The following MED13L variants were observed in gnomAD, a reference collection of about 807,000 sequenced individuals.
MED13L encodes mediator of RNA polymerase II transcription subunit 13-like.
A neutral mutation model predicts 220.9 loss-of-function variants in MED13L; 7 were observed. The observed-to-expected ratio is 0.03, with a 90% CI of 0.02 to 0.06. The LOEUF (loss-of-function observed/expected upper bound fraction) is 0.06. Among genes scored for constraint, MED13L ranks in the 10% least tolerant of loss-of-function variants. The pLI, the probability that MED13L is intolerant of heterozygous loss-of-function variation, is 1.00. For synonymous variants in MED13L, 1,011 were observed against 1,015.2 expected (o/e 1.00, Z 0.08); for missense variants, 1,965 against 2,760.5 (o/e 0.71, Z 6.46).
chr12:116,127,379 T>A (rs1289501795), intron 2 of MED13L, among the ~76,000 whole-genome samples: 2 of 152,214 alleles, frequency 1.3e-5, no homozygotes, highest in Non-Finnish European at 2.9e-5. Context: ...CATCATGATC[T>A]CAACTTTTCA....
intron 2 of MED13L, among the ~76,000 whole-genome samples, chr12:116,171,110 AGTTTTTT>A (rs1879651787): frequency 6.6e-6 from 1 of 152,260 alleles, no homozygotes; most frequent in Non-Finnish European, 1.5e-5. Context: ...TTATAAAAAT[AGTTTTTT>A]TGACTTGTGG....
chr12:115,978,194 G>GA (rs1877078087), intron 23 of MED13L, among the ~76,000 whole-genome samples: 1 of 152,150 alleles, frequency 6.6e-6, no homozygotes, highest in African/African-American at 2.4e-5. Context: ...CTGGAGTGGG[G>GA]AATGAGTAGT....
At chr12:116,002,116 TTAAC>T (rs1566003366) in intron 14 of MED13L, among the ~76,000 whole-genome samples, 1 of 152,196 alleles carries the variant, frequency 6.6e-6, no homozygotes, top group South Asian at 2.1e-4. Context: ...AGAAAAATGT[TTAAC>T]TAAAAAAACT....
chr12:116,034,896 T>C (rs1283584072), intron 4 of MED13L, among the ~76,000 whole-genome samples: 1 of 152,014 alleles, frequency 6.6e-6, no homozygotes, highest in Non-Finnish European at 1.5e-5. Flanking sequence ...TCCCAGATAC[T>C]CGGGAGGCTG....
intron 4 of MED13L, among the ~76,000 whole-genome samples, chr12:116,050,190 T>TA (rs1868374321): frequency 6.6e-6 from 1 of 152,160 alleles, no homozygotes; most frequent in African/African-American, 2.4e-5. Flanking sequence ...AGAGTTGAAT[T>TA]AACTCTTTAG....
chr12:116,008,257 CA>C, intron 10 of MED13L, 143 bp downstream of exon 10: 1 of 1,157,340 alleles, frequency 8.6e-7, no homozygotes, highest in Middle Eastern at 3.0e-4. Context: ...AGCATTTGAC[CA>C]TTAAACATTT....
intron 1 of MED13L, among the ~76,000 whole-genome samples, chr12:116,264,824 T>C (rs1872725713): frequency 6.6e-6 from 1 of 152,146 alleles, no homozygotes; most frequent in Admixed American, 6.5e-5. Flanking sequence ...ACAATCAACC[T>C]TCTGAATCAA....
chr12:116,190,482 C>T (rs1881202434), intron 2 of MED13L, among the ~76,000 whole-genome samples: 1 of 152,154 alleles, frequency 6.6e-6, no homozygotes, highest in Admixed American at 6.5e-5. Context: ...TACATCAAAT[C>T]TGAATTAAAA....
chr12:116,272,771 G>T (rs1337806453), intron 1 of MED13L, among the ~76,000 whole-genome samples: 1 of 152,042 alleles, frequency 6.6e-6, no homozygotes, highest in South Asian at 2.1e-4. Context: ...TTAAAATTAT[G>T]AACTCATCAC....
intron 2 of MED13L, among the ~76,000 whole-genome samples, chr12:116,234,589 T>C (rs1255041540): frequency 2.0e-5 from 3 of 152,168 alleles, no homozygotes; most frequent in Admixed American, 2.0e-4. Context: ...TGTCCCTATT[T>C]AAAAAATGTT....
rs140136426 is a variant in MED13L, at chr12:115,984,314, C to T, written c.4397G>A (p.Arg1466His). The T allele has an allele frequency of 1.9e-5, 31 of 1,614,000 alleles. No individual in the cohort carries two copies. In the African/African-American group the frequency reaches 2.0e-4, roughly 10 times the overall value. The change falls in exon 20 of 31, where the codon CGC (arginine) becomes CAC (histidine). Residue 1466 changes from arginine (R) to histidine (H), a missense_variant. Arg to His is a conservative substitution (Grantham distance 29). Transcript: ENST00000281928. ...ICKVLRDGIM[R>H]VGKTVAQKLT... ...CTTCTGTGCCACAGTTTTTCCCACG[C>T]GCATGATCCCGTCACGTAGCACTTT...
intron 1 of MED13L, among the ~76,000 whole-genome samples, chr12:116,271,995 C>T (rs11615877): frequency 0.15 from 22,942 of 151,848 alleles, 1,954 homozygotes; most frequent in South Asian, 0.22. Context: ...AAAAATAAGT[C>T]GAATGTTTCA....
chr12:116,103,360 C>T (rs1873254859), intron 3 of MED13L, among the ~76,000 whole-genome samples: 1 of 152,214 alleles, frequency 6.6e-6, no homozygotes, highest in Non-Finnish European at 1.5e-5. Flanking sequence ...TGAAGCCATC[C>T]TCCTGCCTTG....
chr12:116,180,690 C>CACAGT (rs1020085265), intron 2 of MED13L, among the ~76,000 whole-genome samples: 11 of 152,122 alleles, frequency 7.2e-5, no homozygotes, highest in African/African-American at 2.7e-4. Flanking sequence ...TACTAAAAGA[C>CACAGT]ACAGTGCCTG....
intron 14 of MED13L, among the ~76,000 whole-genome samples, chr12:116,000,034 G>C (rs957593868): frequency 5.9e-5 from 9 of 152,186 alleles, no homozygotes; most frequent in African/African-American, 1.9e-4. Flanking sequence ...TTGAGATAAT[G>C]TATGCTCAGA....
chr12:116,144,963 T>C (rs555444170), intron 2 of MED13L, among the ~76,000 whole-genome samples: 1 of 152,362 alleles, frequency 6.6e-6, no homozygotes, highest in East Asian at 1.9e-4. Context: ...ATACCACTTA[T>C]AAGGTAATTA....
intron 15 of MED13L, 151 bp downstream of exon 15, chr12:115,996,859 T>C: frequency 9.9e-7 from 1 of 1,013,128 alleles, no homozygotes; most frequent in South Asian, 1.3e-5. Flanking sequence ...CACTATTTAA[T>C]ATGCCTGCTG....
At chr12:116,227,175 G>T (rs73398829) in intron 2 of MED13L, among the ~76,000 whole-genome samples, 1 of 152,080 alleles carries the variant, frequency 6.6e-6, no homozygotes, top group African/African-American at 2.4e-5. Context: ...CAACTCAAAG[G>T]TAGCCTTCTG....
At chr12:116,259,529 G>A (rs771800561) in intron 1 of MED13L, among the ~76,000 whole-genome samples, 1 of 152,172 alleles carries the variant, frequency 6.6e-6, no homozygotes, top group Non-Finnish European at 1.5e-5. Flanking sequence ...AGTTACTTCT[G>A]AAGGGAGAGA....
Sources: allele counts gnomAD v4.1 joint callset (sites outside exome capture counted in the v4.1 genomes callset), GRCh38; gene constraint gnomAD v4.1.1; transcripts MANE v1.5; gene names NCBI Gene and HGNC (gene_info 2026-07-23, HGNC 2026-07-21).